FER: variants seen among roughly 807,000 people sequenced by gnomAD.
The protein encoded by FER is tyrosine-protein kinase Fer.
Under a neutral mutation model 111.0 loss-of-function variants are expected in FER, and 63 were observed. The ratio of observed to expected loss-of-function variants is 0.57; its 90% CI spans 0.46 to 0.70. FER has a LOEUF of 0.70. FER is among the 30% of genes least tolerant of loss of function. FER has a pLI of 0.00. For missense variants in FER, 914 were observed against 954.0 expected (o/e 0.96, Z 0.55); for synonymous variants, 327 against 313.9 (o/e 1.04, Z -0.44).
intron 17 of FER, among the ~76,000 whole-genome samples, chr5:109,121,244 T>G (rs1433246643): frequency 6.6e-6 from 1 of 152,138 alleles, no homozygotes; most frequent in African/African-American, 2.4e-5. Flanking sequence ...CATGTATGGC[T>G]TTTAATATGT....
chr5:109,191,708 A>G lies in FER; in HGVS notation c.*4133A>G, dbSNP rs1375313109. On this transcript the variant is annotated 3_prime_UTR_variant, in exon 20 of 20. Coordinates refer to ENST00000281092, the MANE Select transcript of FER (RefSeq NM_005246.4). The stretch of plus-strand genomic sequence containing the variant: ...GTTACTTCTTTTATGACTAACTCTG[A>G]TTTGCTTATACATATCAGAATGATA... 1 of 152,142 alleles carries G rather than the reference A, an allele frequency of 6.6e-6. No individual in the cohort carries two copies. Among genetic ancestry groups the G allele is most frequent in the Non-Finnish European group, 1.5e-5 (1 of 68,012 alleles). 9.4% of individuals were successfully genotyped at this position (152,142 alleles called of 1,614,324 possible).
At chr5:108,980,135 C>T (rs920303450) in intron 13 of FER, among the ~76,000 whole-genome samples, 23 of 152,078 alleles carry the variant, frequency 1.5e-4, no homozygotes, top group Middle Eastern at 3.4e-3. Context: ...AAACAAACAA[C>T]ATAAAAAACA....
chr5:108,818,575 A>C (rs1159186326), intron 3 of FER, among the ~76,000 whole-genome samples: 1 of 152,210 alleles, frequency 6.6e-6, no homozygotes, highest in East Asian at 1.9e-4. Flanking sequence ...ATCTCAAATT[A>C]GTAATTTGTT....
At chr5:109,056,665 G>T (rs1773689045) in intron 16 of FER, among the ~76,000 whole-genome samples, 1 of 152,130 alleles carries the variant, frequency 6.6e-6, no homozygotes, top group African/African-American at 2.4e-5. Flanking sequence ...TGAACTATAG[G>T]TAATAAAATT....
chr5:108,992,621 G>T (rs561087898), intron 13 of FER, among the ~76,000 whole-genome samples: 1 of 148,266 alleles, frequency 6.7e-6, no homozygotes, highest in African/African-American at 2.4e-5. Flanking sequence ...GCGGCTGGCC[G>T]GGCGGGGGGC....
At chr5:109,122,928 A>T (rs1327596220) in intron 17 of FER, among the ~76,000 whole-genome samples, 1 of 151,936 alleles carries the variant, frequency 6.6e-6, no homozygotes. Flanking sequence ...ATCTTTTTTC[A>T]TCCTTTTATT....
At chr5:109,055,990 TA>T (rs1276691276) in intron 16 of FER, among the ~76,000 whole-genome samples, 6 of 152,170 alleles carry the variant, frequency 3.9e-5, no homozygotes, top group African/African-American at 1.4e-4. Flanking sequence ...TCAACATTAT[TA>T]ATCATCAGGA....
chr5:108,816,475 T>C (rs1054513397), intron 3 of FER, among the ~76,000 whole-genome samples: 1 of 152,230 alleles, frequency 6.6e-6, no homozygotes, highest in African/African-American at 2.4e-5. Context: ...TGAAGTGCCA[T>C]GTTAATATAG....
chr5:109,082,987 G>A (rs1377992681), intron 16 of FER, among the ~76,000 whole-genome samples: 1 of 151,952 alleles, frequency 6.6e-6, no homozygotes, highest in Non-Finnish European at 1.5e-5. Context: ...AAGAAAAAAA[G>A]GCAGAGGCAG....
intron 5 of FER, among the ~76,000 whole-genome samples, chr5:108,864,761 C>T (rs916787887): frequency 2.0e-5 from 3 of 152,094 alleles, no homozygotes; most frequent in African/African-American, 7.2e-5. Context: ...GTTACAGTAG[C>T]CTTGTAGTAT....
intron 13 of FER, among the ~76,000 whole-genome samples, chr5:108,987,302 C>T (rs539365221): frequency 2.6e-5 from 4 of 151,986 alleles, no homozygotes; most frequent in South Asian, 2.1e-4. Context: ...AAAAATTAGC[C>T]GGGCATGGTG....
intron 10 of FER, among the ~76,000 whole-genome samples, chr5:108,924,008 G>A (rs1753387914): frequency 2.0e-5 from 3 of 152,048 alleles, no homozygotes; most frequent in Non-Finnish European, 4.4e-5. Flanking sequence ...CCTAAAATAA[G>A]AAGACTTCTA....
chr5:109,041,694 A>C (rs1380536563), intron 14 of FER, among the ~76,000 whole-genome samples: 1 of 152,214 alleles, frequency 6.6e-6, no homozygotes, highest in Non-Finnish European at 1.5e-5. Flanking sequence ...GACACTGGGT[A>C]GACTGACAGT....
At chr5:109,078,417 G>A (rs746619668) in intron 16 of FER, among the ~76,000 whole-genome samples, 1 of 152,118 alleles carries the variant, frequency 6.6e-6, no homozygotes, top group Non-Finnish European at 1.5e-5. Flanking sequence ...CCATGTCTGG[G>A]TGATGTCTCT....
chr5:109,116,293 G>A (rs1052281908), intron 17 of FER, among the ~76,000 whole-genome samples: 6 of 151,986 alleles, frequency 3.9e-5, no homozygotes, highest in African/African-American at 1.4e-4. Context: ...CAATGTAGTA[G>A]TACTGACTCT....
chr5:109,009,910 T>C (rs1326350220), intron 13 of FER, among the ~76,000 whole-genome samples: 1 of 152,188 alleles, frequency 6.6e-6, no homozygotes, highest in Admixed American at 6.5e-5. Context: ...ACAGTGAAGA[T>C]GGAAACATCA....
chr5:109,002,096 T>C (rs1472557968), intron 13 of FER, among the ~76,000 whole-genome samples: 1 of 151,292 alleles, frequency 6.6e-6, no homozygotes, highest in South Asian at 2.1e-4. Flanking sequence ...TACCAATGAC[T>C]TTCTTCACAG....
chr5:108,844,105 A>G (rs1012688501), intron 5 of FER, among the ~76,000 whole-genome samples: 1 of 124,388 alleles, frequency 8.0e-6, no homozygotes, highest in African/African-American at 3.4e-5. Flanking sequence ...TATGTGTGTG[A>G]ACATGTGTGT....
intron 8 of FER, among the ~76,000 whole-genome samples, chr5:108,879,421 A>G (rs892999864): frequency 6.6e-6 from 1 of 151,658 alleles, no homozygotes; most frequent in Non-Finnish European, 1.5e-5. Context: ...CAGAGGCCCC[A>G]GTGTGTGTTA....
Sources: allele counts gnomAD v4.1 joint callset (sites outside exome capture counted in the v4.1 genomes callset), GRCh38; gene constraint gnomAD v4.1.1; transcripts MANE v1.5; gene names NCBI Gene and HGNC (gene_info 2026-07-23, HGNC 2026-07-21).